The following DIP2C variants were observed in gnomAD, a reference collection of about 807,000 sequenced individuals.
DIP2C encodes the protein disco-interacting protein 2 homolog C.
Under a neutral mutation model 192.4 loss-of-function variants are expected in DIP2C, and 33 were observed. That is an observed-to-expected ratio of 0.17 (90% CI 0.13 to 0.23). The LOEUF (loss-of-function observed/expected upper bound fraction) is 0.23, where lower values mean the gene tolerates loss of function less well. Ranked by LOEUF, DIP2C falls within the 10% of genes least tolerant of loss-of-function variation. The pLI, the probability that DIP2C is intolerant of heterozygous loss-of-function variation, is 1.00. For missense variants in DIP2C, 1,537 were observed against 2,110.1 expected, an observed-to-expected ratio of 0.73 and a Z score of 5.32; for synonymous variants, 979 against 864.1, an observed-to-expected ratio of 1.13 and a Z score of -2.33.
intron 17 of DIP2C, among the ~76,000 whole-genome samples, chr10:381,034 G>C (rs151314097): frequency 6.6e-6 from 1 of 152,198 alleles, no homozygotes; most frequent in African/African-American, 2.4e-5. Context: ...ACGCAAGTAC[G>C]AGTGCTGCTT....
At chr10:498,096 C>G (rs1844972735) in intron 1 of DIP2C, among the ~76,000 whole-genome samples, 1 of 152,190 alleles carries the variant, frequency 6.6e-6, no homozygotes, top group African/African-American at 2.4e-5. Context: ...GCCTCAAACT[C>G]CTCAAGTGAT....
intron 1 of DIP2C, among the ~76,000 whole-genome samples, chr10:594,595 G>A (rs1319869928): frequency 1.3e-5 from 2 of 152,152 alleles, no homozygotes; most frequent in Non-Finnish European, 2.9e-5. Context: ...AGGGAACGTG[G>A]CTGAGTATAA....
At chr10:582,775 T>G (rs1850748372) in intron 1 of DIP2C, among the ~76,000 whole-genome samples, 1 of 152,170 alleles carries the variant, frequency 6.6e-6, no homozygotes, top group Non-Finnish European at 1.5e-5. Flanking sequence ...GGCCTCTTCC[T>G]GGTTTAAATA....
intron 5 of DIP2C, among the ~76,000 whole-genome samples, chr10:420,847 C>G (rs1407405526): frequency 1.3e-5 from 2 of 152,156 alleles, no homozygotes; most frequent in Non-Finnish European, 2.9e-5. Flanking sequence ...ACACAAGCAG[C>G]CTCTGCAGCC....
intron 32 of DIP2C, among the ~76,000 whole-genome samples, chr10:302,981 TGA>T (rs758521615): frequency 3.9e-5 from 6 of 151,974 alleles, no homozygotes; most frequent in Non-Finnish European, 8.8e-5. Flanking sequence ...ACCATACTCG[TGA>T]GGTCAGACAT....
Position 366,258 on chromosome 10 carries a change from G to A in DIP2C, c.2268+17C>T, listed in dbSNP as rs769612763. On this transcript the variant is annotated intron_variant, in intron 19 of 36. Coordinates refer to ENST00000280886, the MANE Select transcript of DIP2C (RefSeq NM_014974.3). ...GAGCCACAGATGGTGCCCATGGTAA[G>A]ACTCTCCTCCACCTACCTCAAAGGT... 6.2e-7 allele frequency: 1 copy of A among 1,611,068 alleles called. No individual in the cohort carries two copies. Among genetic ancestry groups the A allele is most frequent in the East Asian group, 2.2e-5 (1 of 44,840 alleles).
intron 1 of DIP2C, among the ~76,000 whole-genome samples, chr10:639,158 G>T (rs1855003158): frequency 1.4e-5 from 2 of 143,276 alleles, no homozygotes; most frequent in Admixed American, 7.0e-5. Context: ...GGTCGGGAGG[G>T]TGCTGCCCGG....
chr10:422,407 C>T (rs552791028), intron 5 of DIP2C, among the ~76,000 whole-genome samples: 2 of 152,152 alleles, frequency 1.3e-5, no homozygotes, highest in East Asian at 1.9e-4. Flanking sequence ...AGCAGTGTGC[C>T]GGCCCCCAAG....
Position 671,611 on chromosome 10 carries a change from G to A in DIP2C, c.85+17883C>T, listed in dbSNP as rs544279401. 4.4e-5 allele frequency among the ~76,000 whole-genome samples: 4 copies of A among 90,220 alleles called. No individual in the cohort carries two copies. The East Asian group carries it at 1.5e-3, about 34-fold the overall frequency. The allele number at this position is 90,220 out of a possible 152,430, so 59.2% of individuals were successfully genotyped here. A position where few individuals can be genotyped will look rare whatever the true frequency, so the allele number is the denominator to read the frequency against. On this transcript the variant is annotated intron_variant, in intron 1 of 36. Coordinates refer to ENST00000280886, the MANE Select transcript of DIP2C (RefSeq NM_014974.3). Reference sequence around the variant, plus strand: ...AAACGTCACAGACGCACCGACGGAGGAAACGCCACAGACGCACGGACGGAG... The same window carrying A: ...AAACGTCACAGACGCACCGACGGAGAAAACGCCACAGACGCACGGACGGAG...
chr10:488,953 G>A (rs1367354936), intron 1 of DIP2C, among the ~76,000 whole-genome samples: 1 of 152,206 alleles, frequency 6.6e-6, no homozygotes, highest in Non-Finnish European at 1.5e-5. Context: ...TAAGTGACTG[G>A]CTGGGAGTGC....
chr10:321,100 C>G (rs1434417334), intron 31 of DIP2C, among the ~76,000 whole-genome samples: 1 of 152,210 alleles, frequency 6.6e-6, no homozygotes, highest in Non-Finnish European at 1.5e-5. Flanking sequence ...GTGGGAGGAC[C>G]AGAGTGCCAC....
intron 1 of DIP2C, among the ~76,000 whole-genome samples, chr10:572,740 G>A (rs975622939): frequency 1.3e-5 from 2 of 152,110 alleles, no homozygotes; most frequent in African/African-American, 4.8e-5. Context: ...AGTCACAGAT[G>A]CGGGTTTTCC....
chr10:550,849 G>T (rs1277516290), intron 1 of DIP2C, among the ~76,000 whole-genome samples: 2 of 152,242 alleles, frequency 1.3e-5, no homozygotes, highest in Non-Finnish European at 2.9e-5. Context: ...TGGGACCCCA[G>T]GCCTGGCCGG....
intron 17 of DIP2C, among the ~76,000 whole-genome samples, chr10:376,044 C>T (rs775332381): frequency 6.6e-5 from 10 of 152,174 alleles, no homozygotes; most frequent in South Asian, 2.1e-4. Context: ...CATGTAACGG[C>T]GGTAACATTT....
chr10:445,707 G>A (rs947852387), intron 3 of DIP2C, among the ~76,000 whole-genome samples: 15 of 151,612 alleles, frequency 9.9e-5, no homozygotes, highest in Non-Finnish European at 1.8e-4. Flanking sequence ...CATCTGTTGT[G>A]AAGAGTCTCA....
chr10:523,377 C>A (rs1846843603), intron 1 of DIP2C, among the ~76,000 whole-genome samples: 2 of 147,358 alleles, frequency 1.4e-5, no homozygotes, highest in Admixed American at 1.3e-4. Context: ...CTCTGTGTCA[C>A]CCACACACTC....
At chr10:424,950 AGAT>A (rs957689853) in intron 4 of DIP2C, among the ~76,000 whole-genome samples, 15 of 151,196 alleles carry the variant, frequency 9.9e-5, no homozygotes, top group Admixed American at 4.6e-4. Flanking sequence ...AATATGACAC[AGAT>A]GATACAGCAT....
intron 17 of DIP2C, among the ~76,000 whole-genome samples, chr10:373,374 C>A (rs1216255542): frequency 2.0e-5 from 3 of 152,146 alleles, no homozygotes; most frequent in Non-Finnish European, 4.4e-5. Flanking sequence ...AGTTTAGACT[C>A]CTAGATATGC....
rs10546313 is a variant in DIP2C at position 532,668 on chromosome 10, TGA to T, written c.86-46140_86-46139del. Among the ~76,000 whole-genome samples the T allele has an allele frequency of 7.3e-3, 619 of 84,218 alleles. 28 individuals carry two copies. Among genetic ancestry groups the T allele is most frequent in the Non-Finnish European group, 9.3e-3 (423 of 45,536 alleles). 55.3% of individuals were successfully genotyped at this position (84,218 alleles called of 152,430 possible). On this transcript the variant is annotated intron_variant, in intron 1 of 36. Coordinates refer to ENST00000280886, the MANE Select transcript of DIP2C (RefSeq NM_014974.3). ...ATGGGTGTGAGAGAGAGTATGGGTG[TGA>T]GAGAGAGTATGGGTGTGAGAGAGTA...
Sources: allele counts gnomAD v4.1 joint callset (sites outside exome capture counted in the v4.1 genomes callset), GRCh38; gene constraint gnomAD v4.1.1; transcripts MANE v1.5; gene names NCBI Gene and HGNC (gene_info 2026-07-23, HGNC 2026-07-21).